The following GLIS3 variants were observed in gnomAD, a reference collection of about 807,000 sequenced individuals.
The protein encoded by GLIS3 is zinc finger protein GLIS3.
Under a neutral mutation model 78.6 loss-of-function variants are expected in GLIS3, and 53 were observed. The ratio of observed to expected loss-of-function variants is 0.67; its 90% CI spans 0.54 to 0.85. GLIS3 has a LOEUF of 0.85. Among genes scored for constraint, GLIS3 ranks in the 40% least tolerant of loss-of-function variants. The pLI is 0.00. For synonymous variants in GLIS3, 684 were observed against 509.9 expected, an observed-to-expected ratio of 1.34 and a Z score of -4.60; for missense variants, 1,703 against 1,231.1, an observed-to-expected ratio of 1.38 and a Z score of -5.74.
chr9:3,887,778 CATGTTAGGAAA>C (rs1822176867), intron 7 of GLIS3, among the ~76,000 whole-genome samples: 1 of 152,216 alleles, frequency 6.6e-6, no homozygotes, highest in South Asian at 2.1e-4. Context: ...TAATTAACTT[CATGTTAGGAAA>C]AGCTCTGGAA....
chr9:4,322,202 A>G (rs1053973001), intron 2 of GLIS3, among the ~76,000 whole-genome samples: 2 of 152,226 alleles, frequency 1.3e-5, no homozygotes, highest in African/African-American at 4.8e-5. Flanking sequence ...TACAAAGGAC[A>G]TGAACTCATC....
chr9:3,847,009 C>T (rs369200931), intron 9 of GLIS3, among the ~76,000 whole-genome samples: 22 of 152,100 alleles, frequency 1.4e-4, no homozygotes, highest in African/African-American at 4.6e-4. Flanking sequence ...CATGGCAAAA[C>T]GGTGTCTCTA....
intron 4 of GLIS3, among the ~76,000 whole-genome samples, chr9:4,079,744 GAAAAAA>G (rs557862210): frequency 8.1e-6 from 1 of 123,094 alleles, no homozygotes. Flanking sequence ...AGATGGATGT[GAAAAAA>G]AAAAAAAAAG....
At chr9:4,411,236 T>C in the GLIS3 span, among the ~76,000 whole-genome samples, 2 of 152,198 alleles carry the variant, frequency 1.3e-5, no homozygotes, top group Non-Finnish European at 2.9e-5. Context: ...TGTGAAACCT[T>C]CACTCCTACA....
At chr9:4,024,503 T>C (rs1454700026) in intron 4 of GLIS3, among the ~76,000 whole-genome samples, 3 of 152,166 alleles carry the variant, frequency 2.0e-5, no homozygotes, top group Admixed American at 2.0e-4. Context: ...TGCTTAAATC[T>C]AATTAGGGCA....
chr9:4,248,165 T>C (rs1823985808), intron 2 of GLIS3, among the ~76,000 whole-genome samples: 1 of 152,172 alleles, frequency 6.6e-6, no homozygotes, highest in African/African-American at 2.4e-5. Context: ...GGTATGCACG[T>C]GACATAATGG....
rs193130219 is a variant in GLIS3 at position 4,297,730 on chromosome 9, G to A, written c.-99+1691C>T. ...GAGATGAGGGCCAAGCGGATACCGG[G>A]GCAAACTAGCGTGGGGCTCAAGGAG... On this transcript the variant is annotated intron_variant, in intron 1 of 10. Coordinates refer to ENST00000381971, the MANE Select transcript of GLIS3 (RefSeq NM_001042413.2). 2.3e-3 allele frequency among the ~76,000 whole-genome samples: 352 copies of A among 152,274 alleles called. 1 individual carries two copies. Among genetic ancestry groups the A allele is most frequent in the African/African-American group, 7.9e-3 (327 of 41,570 alleles).
chr9:4,348,237 A>T (rs1817919887), exon 1 of GLIS3: 1 of 151,036 alleles, frequency 6.6e-6, no homozygotes, highest in East Asian at 1.9e-4. Context: ...CTTACCTGAA[A>T]GAAATTCAGA....
At chr9:4,474,578 A>G in the GLIS3 span, among the ~76,000 whole-genome samples, 1 of 152,250 alleles carries the variant, frequency 6.6e-6, no homozygotes, top group Admixed American at 6.5e-5. Flanking sequence ...TTGAAATGAA[A>G]GAAGCAAAAT....
At chr9:4,464,403 T>G in the GLIS3 span, among the ~76,000 whole-genome samples, 7 of 151,954 alleles carry the variant, frequency 4.6e-5, no homozygotes, top group East Asian at 1.3e-3. Context: ...TTTTATTTAT[T>G]TATTTTTTTG....
chr9:4,092,583 C>A (rs1829614130), intron 4 of GLIS3, among the ~76,000 whole-genome samples: 1 of 152,022 alleles, frequency 6.6e-6, no homozygotes, highest in African/African-American at 2.4e-5. Flanking sequence ...CATGAATACA[C>A]ACATTATCCT....
intron 2 of GLIS3, among the ~76,000 whole-genome samples, chr9:4,312,037 A>C (rs1355107944): frequency 2.6e-5 from 4 of 152,218 alleles, no homozygotes; most frequent in Admixed American, 1.3e-4. Flanking sequence ...ACTGGGTACG[A>C]GGCTTAGAAT....
intron 2 of GLIS3, among the ~76,000 whole-genome samples, chr9:4,187,759 C>T (rs77381453): frequency 0.16 from 24,101 of 151,682 alleles, 1,992 homozygotes; most frequent in Middle Eastern, 0.24. Flanking sequence ...TTTGAAGCAA[C>T]TGTGAATGGG....
At chr9:4,388,609 G>C in the GLIS3 span, among the ~76,000 whole-genome samples, 1 of 152,240 alleles carries the variant, frequency 6.6e-6, no homozygotes, top group East Asian at 1.9e-4. Flanking sequence ...CTGGGAGGCG[G>C]AGGTTGCAGT....
intron 4 of GLIS3, among the ~76,000 whole-genome samples, chr9:4,042,007 G>C (rs1157643281): frequency 6.6e-6 from 1 of 152,200 alleles, no homozygotes; most frequent in African/African-American, 2.4e-5. Context: ...TACGCAGTGA[G>C]CTGAAACTGT....
intron 4 of GLIS3, among the ~76,000 whole-genome samples, chr9:3,941,470 G>A (rs770566042): frequency 1.8e-4 from 28 of 152,220 alleles, no homozygotes; most frequent in Middle Eastern, 6.8e-3. Flanking sequence ...CTGGTGCGCT[G>A]CACTTTAATC....
intron 4 of GLIS3, among the ~76,000 whole-genome samples, chr9:4,042,458 T>C (rs148924782): frequency 6.6e-6 from 1 of 152,312 alleles, no homozygotes; most frequent in African/African-American, 2.4e-5. Context: ...GAATCATCTG[T>C]TCCAAAGAGG....
At chr9:3,847,143 C>G (rs773438316) in intron 9 of GLIS3, among the ~76,000 whole-genome samples, 12 of 152,148 alleles carry the variant, frequency 7.9e-5, no homozygotes, top group Non-Finnish European at 1.5e-4. Context: ...GAGATCGCGC[C>G]TCTGTACTCC....
chr9:4,173,282 C>T (rs151125279), intron 2 of GLIS3, among the ~76,000 whole-genome samples: 5 of 152,258 alleles, frequency 3.3e-5, no homozygotes, highest in South Asian at 2.1e-4. Flanking sequence ...TATATTAAGG[C>T]TTTAATGCCT....
Sources: allele counts gnomAD v4.1 joint callset (sites outside exome capture counted in the v4.1 genomes callset), GRCh38; gene constraint gnomAD v4.1.1; transcripts MANE v1.5; gene names NCBI Gene and HGNC (gene_info 2026-07-23, HGNC 2026-07-21).